NEO1: variants seen among roughly 807,000 people sequenced by gnomAD.
The protein encoded by NEO1 is neogenin 1, also known as neogenin.
NEO1 carries 63 observed loss-of-function variants against 159.7 expected under a neutral mutation model. The ratio of observed to expected loss-of-function variants is 0.39; its 90% CI spans 0.32 to 0.49. The LOEUF is 0.49. Among genes scored for constraint, NEO1 ranks in the 20% least tolerant of loss-of-function variants. The pLI is 0.85. For missense variants in NEO1, 1,615 were observed against 1,831.0 expected, an observed-to-expected ratio of 0.88 and a Z score of 2.15; for synonymous variants, 633 against 662.0, an observed-to-expected ratio of 0.96 and a Z score of 0.67.
rs182694462 is a variant in NEO1, at chr15:73,166,511, A to G, written c.1016-9892A>G. Among the ~76,000 whole-genome samples the G allele has an allele frequency of 2.1e-3, 320 of 152,296 alleles. 1 individual carries two copies. Among genetic ancestry groups the G allele is most frequent in the Non-Finnish European group, 3.9e-3 (266 of 68,020 alleles). The stretch of plus-strand genomic sequence containing the variant: ...GACCTGAACTCTCCAATGGCTTGCA[A>G]GCAAGGGTTTATAAAGGCAGGGGGA... On this transcript the variant is annotated intron_variant, in intron 5 of 28. Transcript: ENST00000261908.
intron 13 of NEO1, among the ~76,000 whole-genome samples, chr15:73,258,482 G>C (rs575449516): frequency 6.6e-6 from 1 of 152,290 alleles, no homozygotes; most frequent in South Asian, 2.1e-4. Context: ...AATGATCTCT[G>C]AGGTGCCTTC....
rs1281671629 is a variant in NEO1 at position 73,273,887 on chromosome 15, A to C, written c.3042A>C (p.Arg1014Ser). The C allele has an allele frequency of 1.2e-6, 2 of 1,614,152 alleles. No individual in the cohort carries two copies. Among genetic ancestry groups the C allele is most frequent in the Admixed American group, 3.3e-5 (2 of 60,032 alleles). The change falls in exon 20 of 29, where the codon AGA (arginine) becomes AGC (serine). Residue 1014 changes from arginine to serine, a missense_variant. Physicochemically the swap from Arg to Ser is moderately radical, Grantham distance 110 (BLOSUM62 -1). Transcript: ENST00000261908. Reference sequence around the variant, plus strand: ...TTATTGAGCCTGTTGTGGGAAACAGACTGACTCACCAGATACAAGAGTTAA... The same window carrying C: ...TTATTGAGCCTGTTGTGGGAAACAGCCTGACTCACCAGATACAAGAGTTAA... ...DWVIEPVVGN[R>S]LTHQIQELTL...
At chr15:73,178,756 T>C (rs2035427587) in intron 7 of NEO1, among the ~76,000 whole-genome samples, 1 of 152,196 alleles carries the variant, frequency 6.6e-6, no homozygotes, top group Admixed American at 6.5e-5. Flanking sequence ...TTTCCAATTC[T>C]ATACACTTTT....
In NEO1 at chr15:73,065,628, A is replaced by G. The variant is rs113027650; in HGVS notation, c.130+12823A>G. 5.1e-4 allele frequency among the ~76,000 whole-genome samples: 77 copies of G among 151,944 alleles called. 3 individuals are homozygous for G. The highest frequency in any genetic ancestry group is 1.8e-3 in the African/African-American group (73 of 41,410). On this transcript the variant is annotated intron_variant, in intron 1 of 28. Transcript: ENST00000261908. ...CCTCCCGTCTTTGGCCACTTTTAAG[A>G]TTTGTTCTTTAGTTATGGTTGTCAG...
intron 7 of NEO1, among the ~76,000 whole-genome samples, chr15:73,195,716 A>T (rs931309074): frequency 2.0e-5 from 3 of 152,160 alleles, no homozygotes; most frequent in Non-Finnish European, 2.9e-5. Context: ...TGATAAAATA[A>T]ATTAAGAGAC....
chr15:73,228,725 G>T (rs1230139317), intron 7 of NEO1, among the ~76,000 whole-genome samples: 1 of 151,914 alleles, frequency 6.6e-6, no homozygotes, highest in African/African-American at 2.4e-5. Context: ...TAGAAGTTTA[G>T]TTCTTAGATT....
chr15:73,149,487 C>A (rs938329001), intron 5 of NEO1, among the ~76,000 whole-genome samples: 5 of 152,082 alleles, frequency 3.3e-5, no homozygotes, highest in Admixed American at 6.6e-5. Context: ...GTAGGTGATA[C>A]AGAGAAGTAG....
intron 7 of NEO1, 99 bp from the exon 8 acceptor site, chr15:73,236,248 G>A (rs1376888019): frequency 6.5e-7 from 1 of 1,543,212 alleles, no homozygotes. Flanking sequence ...AACCGTCGTG[G>A]TTTGCCCTTC....
rs777154158 is a variant in NEO1 at position 73,293,434 on chromosome 15, C to A, written c.3787C>A (p.His1263Asn). 3 of 1,614,188 alleles carry A rather than the reference C, an allele frequency of 1.9e-6. No homozygotes were observed. Among genetic ancestry groups the A allele is most frequent in the Non-Finnish European group, 2.5e-6 (3 of 1,180,020 alleles). Residue 1263 changes from histidine (H) to asparagine (N), a missense_variant, in exon 26 of 29, where the codon CAT becomes AAT. By Grantham distance (68) the His-to-Asn change is moderately conservative. This residue lies in a region of NEO1 where 471 missense variants were observed against 498.9 expected (regional missense o/e 0.94). Coordinates refer to ENST00000261908, the MANE Select transcript of NEO1 (RefSeq NM_002499.4). ...HPIHSLDNPH[H>N]HFHSSSLASP... Reference sequence around the variant, plus strand: ...CATCCATTCCCTCGATAACCCTCACCATCATTTCCACTCCAGCAGCCTCGC... The same window carrying A: ...CATCCATTCCCTCGATAACCCTCACAATCATTTCCACTCCAGCAGCCTCGC...
At chr15:73,267,976 A>G (rs78386793) in intron 16 of NEO1, among the ~76,000 whole-genome samples, 107 of 152,278 alleles carry the variant, frequency 7.0e-4, no homozygotes, top group African/African-American at 2.3e-3. Flanking sequence ...TAACATTCTT[A>G]AGGAAGGCTT....
intron 7 of NEO1, among the ~76,000 whole-genome samples, chr15:73,185,352 T>TA (rs1286698542): frequency 2.0e-5 from 3 of 152,300 alleles, no homozygotes; most frequent in African/African-American, 7.2e-5. Context: ...GGGATGTTGA[T>TA]AATGGGGGAA....
chr15:73,076,511 G>C (rs1172233412), intron 1 of NEO1, among the ~76,000 whole-genome samples: 1 of 152,160 alleles, frequency 6.6e-6, no homozygotes, highest in Non-Finnish European at 1.5e-5. Flanking sequence ...TTTTCAGTAA[G>C]TATTGGTTGT....
At position 73,105,555 on chromosome 15, in the gene NEO1, A is replaced by G. The variant is rs775843035; in HGVS notation, c.131-10985A>G. ...ATTTAAAGTCATCTGGATATTCTCC[A>G]AATGTTTTTTGTTGCCCAGGATCCA... On this transcript the variant is annotated intron_variant, in intron 1 of 28. Transcript: ENST00000261908. 1.9e-4 allele frequency among the ~76,000 whole-genome samples: 29 copies of G among 152,208 alleles called. 1 individual carries two copies. The highest frequency in any genetic ancestry group is 3.8e-4 in the Non-Finnish European group (26 of 68,028).
intron 13 of NEO1, among the ~76,000 whole-genome samples, chr15:73,256,593 C>T (rs150899881): frequency 1.3e-5 from 2 of 152,298 alleles, no homozygotes; most frequent in South Asian, 4.1e-4. Flanking sequence ...TAGTAATCAG[C>T]AAGCTTCTCA....
intron 5 of NEO1, among the ~76,000 whole-genome samples, chr15:73,147,436 G>C (rs757584629): frequency 1.3e-5 from 2 of 152,120 alleles, no homozygotes; most frequent in Non-Finnish European, 2.9e-5. Context: ...TGTGGTCTTT[G>C]AGCCAAGCCA....
intron 7 of NEO1, among the ~76,000 whole-genome samples, chr15:73,199,017 C>G (rs1596322767): frequency 6.7e-6 from 1 of 148,654 alleles, no homozygotes; most frequent in East Asian, 2.0e-4. Flanking sequence ...TTTTCTTTTT[C>G]TGTTCCAGGA....
intron 7 of NEO1, among the ~76,000 whole-genome samples, chr15:73,218,048 A>C (rs75781368): frequency 0.29 from 43,642 of 151,934 alleles, 7,307 homozygotes; most frequent in East Asian, 0.57. Flanking sequence ...ATTCAGTATG[A>C]TAGTGGCTGT....
intron 23 of NEO1, among the ~76,000 whole-genome samples, chr15:73,285,864 C>G (rs1273301355): frequency 6.6e-6 from 1 of 152,114 alleles, no homozygotes; most frequent in Non-Finnish European, 1.5e-5. Context: ...TTTCCTCCTC[C>G]CTCCTAAGTG....
chr15:73,172,385 A>C (rs1457395379), intron 5 of NEO1, among the ~76,000 whole-genome samples: 1 of 152,188 alleles, frequency 6.6e-6, no homozygotes, highest in Non-Finnish European at 1.5e-5. Context: ...AATGGTTATA[A>C]GTGGAAAGCG....
Sources: gnomAD v4.1 joint callset for allele counts (sites outside exome capture counted in the v4.1 genomes callset) on GRCh38, gnomAD v4.1.1 for gene constraint, gnomAD v4.1.1 regional missense constraint, MANE v1.5 for transcripts, NCBI Gene and HGNC (gene_info 2026-07-23, HGNC 2026-07-21) for gene names.